The following INPP4A variants were observed in gnomAD, a reference collection of about 807,000 sequenced individuals.
The protein encoded by INPP4A is inositol polyphosphate-4-phosphatase, type I, 107kD.
A neutral mutation model predicts 119.8 loss-of-function variants in INPP4A; 33 were observed. The ratio of observed to expected loss-of-function variants is 0.28; its 90% CI spans 0.21 to 0.37. INPP4A has a LOEUF of 0.37. INPP4A is among the 10% of genes least tolerant of loss of function. The pLI is 1.00. For missense variants in INPP4A, 956 were observed against 1,289.9 expected (o/e 0.74, Z 3.97); for synonymous variants, 496 against 500.7 (o/e 0.99, Z 0.12).
At position 98,494,788 on chromosome 2, in the gene INPP4A, T is replaced by G. The variant is rs970575112; in HGVS notation, c.-165-24176T>G. Among the ~76,000 whole-genome samples the G allele has an allele frequency of 2.6e-5, 4 of 152,216 alleles. No individual in the cohort carries two copies. The South Asian group carries it at 8.3e-4, about 32-fold the overall frequency. ...ACTATCCCTGTGAAAGGTCTCCATT[T>G]AATTAGATAAAATGTAGAACAATGT... On this transcript the variant is annotated intron_variant, in intron 1 of 24. Transcript: ENST00000409851.
At chr2:98,507,421 T>G (rs577407602) in intron 1 of INPP4A, among the ~76,000 whole-genome samples, 4 of 152,216 alleles carry the variant, frequency 2.6e-5, no homozygotes, top group Non-Finnish European at 5.9e-5. Context: ...CCATTCTGTT[T>G]AAAGTTTAAG....
chr2:98,585,180 A>G (rs73962409), intron 24 of INPP4A, among the ~76,000 whole-genome samples: 117 of 152,296 alleles, frequency 7.7e-4, no homozygotes, highest in African/African-American at 2.7e-3. Context: ...TTTTAACACA[A>G]TGACCTGTTT....
intron 1 of INPP4A, among the ~76,000 whole-genome samples, chr2:98,485,156 A>G (rs1221946487): frequency 1.3e-5 from 2 of 152,236 alleles, no homozygotes; most frequent in East Asian, 3.8e-4. Flanking sequence ...AGTGGAGACC[A>G]TCCTGATCAT....
At chr2:98,457,630 A>G (rs539218529) in intron 1 of INPP4A, among the ~76,000 whole-genome samples, 1 of 152,272 alleles carries the variant, frequency 6.6e-6, no homozygotes, top group East Asian at 1.9e-4. Context: ...AACAGTTGCT[A>G]TTTTTACCTC....
chr2:98,505,366 G>C (rs972219890), intron 1 of INPP4A, among the ~76,000 whole-genome samples: 1 of 152,208 alleles, frequency 6.6e-6, no homozygotes, highest in Admixed American at 6.5e-5. Flanking sequence ...GGAGGCTTGC[G>C]TTTCCCATGT....
At chr2:98,450,074 TG>T (rs746338638) in intron 1 of INPP4A, among the ~76,000 whole-genome samples, 1 of 152,210 alleles carries the variant, frequency 6.6e-6, no homozygotes, top group East Asian at 1.9e-4. Flanking sequence ...AGCTTTAGAA[TG>T]TTTTTTTAAG....
intron 24 of INPP4A, chr2:98,581,508 T>G (rs926911123): frequency 6.9e-7 from 1 of 1,450,954 alleles, no homozygotes; most frequent in African/African-American, 1.5e-5. Context: ...ATGTGTCTTC[T>G]TTTTTTCTTT....
chr2:98,537,859 A>C lies in INPP4A; in HGVS notation c.468-4A>C, dbSNP rs780204505. 1.1e-5 allele frequency: 18 copies of C among 1,602,524 alleles called. No homozygotes were observed. Among genetic ancestry groups the C allele is most frequent in the Admixed American group, 1.7e-5 (1 of 59,212 alleles). On this transcript the variant is annotated splice_polypyrimidine_tract_variant and splice_region_variant and intron_variant, in intron 7 of 24. Transcript: ENST00000409851. ...CACTCATTAAAGCATGTTGTGCATC[A>C]CAGGTCTGCAGAGAGTGACCGTGTA...
At position 98,568,577 on chromosome 2, in the gene INPP4A, C is replaced by A. The variant is rs754714150; in HGVS notation, c.2427C>A (p.Gly809=). 1 of 1,582,078 alleles carries A rather than the reference C, an allele frequency of 6.3e-7. No individual in the cohort carries two copies. The highest frequency in any genetic ancestry group is 8.6e-7 in the Non-Finnish European group (1 of 1,158,944). The stretch of plus-strand genomic sequence containing the variant: ...TCCCCTATAACCTCCCAAGGTTTGG[C>A]GATACGTCTTTACAAGAAGTCATCA... The part of the protein sequence containing the change: ...NEQQTLAERF[G]DTSLQEVINV... The change falls in exon 22 of 25, where the codon GGC becomes GGA. Residue 809 remains glycine (G), a synonymous_variant. Transcript: ENST00000409851.
intron 1 of INPP4A, among the ~76,000 whole-genome samples, chr2:98,482,248 C>T (rs1017210405): frequency 6.6e-6 from 1 of 152,232 alleles, no homozygotes; most frequent in Non-Finnish European, 1.5e-5. Context: ...TTTGCCTTTA[C>T]ACCTGTGGTT....
intron 23 of INPP4A, among the ~76,000 whole-genome samples, chr2:98,573,640 G>C (rs1347981847): frequency 3.3e-5 from 5 of 152,182 alleles, no homozygotes; most frequent in Non-Finnish European, 5.9e-5. Flanking sequence ...GAGCAGCAGA[G>C]GGTCCAGCCC....
chr2:98,510,129 C>G (rs1157243694), intron 1 of INPP4A, among the ~76,000 whole-genome samples: 3 of 152,202 alleles, frequency 2.0e-5, no homozygotes, highest in Admixed American at 1.3e-4. Flanking sequence ...GGACGCTGGT[C>G]AAATTCCCAG....
At chr2:98,452,169 C>T (rs772458156) in intron 1 of INPP4A, among the ~76,000 whole-genome samples, 1 of 152,236 alleles carries the variant, frequency 6.6e-6, no homozygotes. Flanking sequence ...GCCACAGTGT[C>T]TACCAGTCCT....
intron 1 of INPP4A, among the ~76,000 whole-genome samples, chr2:98,517,151 C>T (rs1344879932): frequency 6.6e-6 from 1 of 152,162 alleles, no homozygotes. Flanking sequence ...GCCACAGATT[C>T]GTTTGGCCTG....
rs148735112 is a variant in INPP4A, at chr2:98,515,930, C to T, written c.-165-3034C>T. On this transcript the variant is annotated intron_variant, in intron 1 of 24. Transcript: ENST00000409851. The stretch of plus-strand genomic sequence containing the variant: ...GTTTACTGTCCACTTGATGGCCTGC[C>T]GCCTCTTGTCGGAGGGGTCACATGA... Among the ~76,000 whole-genome samples, 422 of 152,310 alleles carry T rather than the reference C, an allele frequency of 2.8e-3. 1 individual carries two copies. Among genetic ancestry groups the T allele is most frequent in the African/African-American group, 9.7e-3 (405 of 41,566 alleles).
chr2:98,467,976 T>C (rs887300873), intron 1 of INPP4A, among the ~76,000 whole-genome samples: 10 of 152,204 alleles, frequency 6.6e-5, no homozygotes, highest in Admixed American at 5.9e-4. Flanking sequence ...ATAAATGGGC[T>C]TTTAGAGTAC....
chr2:98,578,415 A>G (rs1008285051), intron 24 of INPP4A, among the ~76,000 whole-genome samples: 2 of 152,244 alleles, frequency 1.3e-5, no homozygotes, highest in South Asian at 2.1e-4. Context: ...AAGGAGCAGG[A>G]TCAGGGCCAG....
intron 4 of INPP4A, among the ~76,000 whole-genome samples, chr2:98,524,677 C>T (rs1687862051): frequency 6.6e-6 from 1 of 152,146 alleles, no homozygotes; most frequent in Admixed American, 6.5e-5. Context: ...TAGAGAGAGG[C>T]CACAGGTCAT....
intron 1 of INPP4A, among the ~76,000 whole-genome samples, chr2:98,496,956 G>C (rs1574746607): frequency 6.6e-6 from 1 of 152,218 alleles, no homozygotes; most frequent in African/African-American, 2.4e-5. Context: ...TGAGCACTCA[G>C]TGAAATTATC....
Sources: allele counts gnomAD v4.1 joint callset (sites outside exome capture counted in the v4.1 genomes callset), GRCh38; gene constraint gnomAD v4.1.1; transcripts MANE v1.5; gene names NCBI Gene and HGNC (gene_info 2026-07-23, HGNC 2026-07-21).